The following SESTD1 variants were observed in gnomAD, a reference collection of about 807,000 sequenced individuals.
SESTD1 encodes the protein SEC14 domain and spectrin repeat-containing protein 1.
SESTD1 carries 43 observed loss-of-function variants against 101.7 expected under a neutral mutation model. The ratio of observed to expected loss-of-function variants is 0.42; its 90% CI spans 0.33 to 0.55. The LOEUF is 0.55. SESTD1 is among the 20% of genes least tolerant of loss of function. The probability of loss-of-function intolerance (pLI) is 0.07; values close to 1 mark genes in which losing one functional copy is unlikely to be tolerated. For synonymous variants in SESTD1, 283 were observed against 286.8 expected (o/e 0.99, Z 0.13); for missense variants, 647 against 815.1 (o/e 0.79, Z 2.51).
intron 1 of SESTD1, among the ~76,000 whole-genome samples, chr2:179,241,266 A>C (rs2047148418): frequency 6.6e-6 from 1 of 152,254 alleles, no homozygotes; most frequent in African/African-American, 2.4e-5. Flanking sequence ...CCAGAAGCAG[A>C]GGAGAAAGGG....
At chr2:179,231,912 G>C (rs932133382) in intron 1 of SESTD1, among the ~76,000 whole-genome samples, 3 of 151,950 alleles carry the variant, frequency 2.0e-5, no homozygotes, top group African/African-American at 4.8e-5. Flanking sequence ...CATAACCATC[G>C]TGTATGCCTA....
chr2:179,143,157 T>C (rs536661187), intron 9 of SESTD1, among the ~76,000 whole-genome samples: 6 of 152,242 alleles, frequency 3.9e-5, no homozygotes, highest in African/African-American at 1.4e-4. Flanking sequence ...ATATTTTCTA[T>C]CAATATTATA....
Position 179,206,113 on chromosome 2 carries a change from G to C in SESTD1, c.-25-14247C>G, listed in dbSNP as rs922351028. Among the ~76,000 whole-genome samples, 3 of 135,088 alleles carry C rather than the reference G, an allele frequency of 2.2e-5. 1 individual carries two copies. Among genetic ancestry groups the C allele is most frequent in the African/African-American group, 8.8e-5 (3 of 34,218 alleles). The allele number at this position is 135,088 out of a possible 152,430, so 88.6% of individuals were successfully genotyped here. A position where few individuals can be genotyped will look rare whatever the true frequency, so the allele number is the denominator to read the frequency against. ...ACCACCACCACCTCCACAATAAAAT[G>C]TTAAATAACATGAAGGTGGAAAATG... On this transcript the variant is annotated intron_variant, in intron 1 of 17. Transcript: ENST00000428443.
At chr2:179,232,313 A>G (rs2046999791) in intron 1 of SESTD1, among the ~76,000 whole-genome samples, 1 of 152,092 alleles carries the variant, frequency 6.6e-6, no homozygotes, top group African/African-American at 2.4e-5. Context: ...TTGAACATTT[A>G]TATCAATAGT....
intron 1 of SESTD1, among the ~76,000 whole-genome samples, chr2:179,234,454 T>C (rs907476941): frequency 1.3e-5 from 2 of 152,186 alleles, no homozygotes; most frequent in Non-Finnish European, 2.9e-5. Flanking sequence ...AAGTACAAGA[T>C]GACTCTGAAA....
intron 13 of SESTD1, among the ~76,000 whole-genome samples, chr2:179,118,557 T>TG (rs143735250): frequency 6.6e-6 from 1 of 151,838 alleles, no homozygotes; most frequent in Non-Finnish European, 1.5e-5. Flanking sequence ...AGGCTTTTTT[T>TG]TAAAAAAAAA....
intron 1 of SESTD1, among the ~76,000 whole-genome samples, chr2:179,231,550 A>T (rs1367514634): frequency 2.0e-5 from 3 of 151,982 alleles, no homozygotes; most frequent in Admixed American, 1.3e-4. Flanking sequence ...AAAGGCAAAG[A>T]AAGCACATCA....
At position 179,135,286 on chromosome 2, in the gene SESTD1, A is replaced by G. The variant is rs115338625; in HGVS notation, c.850-2860T>C. Reference sequence around the variant, plus strand: ...TTAAAATACTTCTGCCAATTGAAAAAACAGAAATCTTTCCATATTTTTTAA... The same window carrying G: ...TTAAAATACTTCTGCCAATTGAAAAGACAGAAATCTTTCCATATTTTTTAA... On this transcript the variant is annotated intron_variant, in intron 9 of 17. Coordinates refer to ENST00000428443, the MANE Select transcript of SESTD1 (RefSeq NM_178123.5). Among the ~76,000 whole-genome samples, 840 of 152,280 alleles carry G rather than the reference A, an allele frequency of 5.5e-3. 4 individuals carry two copies. Among genetic ancestry groups the G allele is most frequent in the Non-Finnish European group, 8.9e-3 (605 of 68,032 alleles).
Position 179,191,844 on chromosome 2 carries a change from T to C in SESTD1, c.-3A>G, listed in dbSNP as rs2046324503. 1 of 1,611,192 alleles carries C rather than the reference T, an allele frequency of 6.2e-7. No homozygotes were observed. Among genetic ancestry groups the C allele is most frequent in the Non-Finnish European group, 8.5e-7 (1 of 1,178,276 alleles). On this transcript the variant is annotated 5_prime_UTR_variant, in exon 2 of 18. Coordinates refer to ENST00000428443, the MANE Select transcript of SESTD1 (RefSeq NM_178123.5). ...GGTAATATTACTGAGGCCTCCATTT[T>C]ACTCCAGTGAACTTCCTTAATTCTG...
chr2:179,112,623 C>A (rs2044533732), intron 17 of SESTD1, 101 bp downstream of exon 17: 3 of 1,401,148 alleles, frequency 2.1e-6, no homozygotes, highest in Admixed American at 2.5e-5. Context: ...GTGGACCAAA[C>A]CTAATTTACT....
rs2046565308 is a variant in SESTD1 at position 179,204,454 on chromosome 2, T to TAG, written c.-25-12590_-25-12589dup. 3.7e-5 allele frequency among the ~76,000 whole-genome samples: 5 copies of TAG among 134,870 alleles called. 1 individual carries two copies. In the South Asian group the frequency reaches 1.4e-3, roughly 39 times the overall value. 88.5% of individuals were successfully genotyped at this position (134,870 alleles called of 152,430 possible). A position where few individuals can be genotyped will look rare whatever the true frequency, so the allele number is the denominator to read the frequency against. ...ACCCATACCTTATAGCTTAACAACG[T>TAG]AGAGCCAATCACTAATCAATGTTAT... is the stretch of plus-strand genomic sequence containing the variant. On this transcript the variant is annotated intron_variant, in intron 1 of 17. Transcript: ENST00000428443.
At chr2:179,113,378 A>C (rs2044555065) in intron 16 of SESTD1, among the ~76,000 whole-genome samples, 1 of 152,200 alleles carries the variant, frequency 6.6e-6, no homozygotes. Context: ...TTAACAACTG[A>C]TCTGCTGGCT....
chr2:179,241,795 A>G (rs2047157734), intron 1 of SESTD1, among the ~76,000 whole-genome samples: 1 of 151,908 alleles, frequency 6.6e-6, no homozygotes, highest in African/African-American at 2.4e-5. Flanking sequence ...GGTGGCGGGT[A>G]CCTGTAGTCC....
intron 14 of SESTD1, among the ~76,000 whole-genome samples, chr2:179,117,073 C>G (rs931692159): frequency 6.6e-6 from 1 of 152,118 alleles, no homozygotes; most frequent in Admixed American, 6.5e-5. Context: ...GTAGATCCAT[C>G]AGGATTGCAT....
intron 3 of SESTD1, among the ~76,000 whole-genome samples, chr2:179,182,054 G>A (rs548855660): frequency 6.7e-6 from 1 of 150,134 alleles, no homozygotes; most frequent in Admixed American, 6.6e-5. Context: ...ATGCAGGTGC[G>A]ATTAAAATCA....
At chr2:179,191,004 A>G (rs1265685942) in intron 2 of SESTD1, among the ~76,000 whole-genome samples, 1 of 152,212 alleles carries the variant, frequency 6.6e-6, no homozygotes, top group Non-Finnish European at 1.5e-5. Flanking sequence ...TCTACAAAAC[A>G]ATGTATTTTC....
At chr2:179,219,849 C>T (rs1246149676) in intron 1 of SESTD1, among the ~76,000 whole-genome samples, 2 of 152,066 alleles carry the variant, frequency 1.3e-5, no homozygotes, top group Non-Finnish European at 2.9e-5. Flanking sequence ...AGGGCTTTCA[C>T]CAAAATACAG....
chr2:179,184,965 T>C (rs1208954117), intron 2 of SESTD1, among the ~76,000 whole-genome samples: 3 of 152,134 alleles, frequency 2.0e-5, no homozygotes, highest in Admixed American at 6.5e-5. Flanking sequence ...AAGATAGTTA[T>C]GGTCAAAAGC....
At chr2:179,242,028 ATC>A (rs772167573) in intron 1 of SESTD1, among the ~76,000 whole-genome samples, 2 of 152,150 alleles carry the variant, frequency 1.3e-5, no homozygotes, top group Non-Finnish European at 2.9e-5. Flanking sequence ...AAGTCAAATT[ATC>A]TGTTTTCATT....
Sources: gnomAD v4.1 joint callset for allele counts (sites outside exome capture counted in the v4.1 genomes callset) on GRCh38, gnomAD v4.1.1 for gene constraint, MANE v1.5 for transcripts, NCBI Gene and HGNC (gene_info 2026-07-23, HGNC 2026-07-21) for gene names.